The following CACNA1D variants were observed in gnomAD, a reference collection of about 807,000 sequenced individuals.
CACNA1D encodes voltage-dependent L-type calcium channel subunit alpha-1D.
Under a neutral mutation model 257.1 loss-of-function variants are expected in CACNA1D, and 55 were observed. That is an observed-to-expected ratio of 0.21 (90% CI 0.17 to 0.27). The LOEUF is 0.27. Ranked by LOEUF, CACNA1D falls within the 10% of genes least tolerant of loss-of-function variation. The pLI is 1.00. For missense variants in CACNA1D, 1,876 were observed against 2,784.0 expected, an observed-to-expected ratio of 0.67 and a Z score of 7.34; for synonymous variants, 980 against 1,014.9, an observed-to-expected ratio of 0.97 and a Z score of 0.65.
intron 3 of CACNA1D, among the ~76,000 whole-genome samples, chr3:53,522,474 C>T (rs1457180525): frequency 6.6e-6 from 1 of 152,184 alleles, no homozygotes; most frequent in East Asian, 1.9e-4. Context: ...AAGGCTAGTG[C>T]CTTTCCTCAC....
rs115349215 is a variant in CACNA1D at position 53,794,088 on chromosome 3, C to T, written c.4924-6161C>T. Reference sequence around the variant, plus strand: ...GGACTATTGGGTACTACATTCTATACTCTTTCTGAAAGTGGGGAGATCTCA... The same window carrying T: ...GGACTATTGGGTACTACATTCTATATTCTTTCTGAAAGTGGGGAGATCTCA... On this transcript the variant is annotated intron_variant, in intron 40 of 47. Coordinates refer to ENST00000350061, the MANE Select transcript of CACNA1D (RefSeq NM_001128840.3). Among the ~76,000 whole-genome samples the T allele has an allele frequency of 8.5e-3, 1,293 of 152,322 alleles. 8 individuals carry two copies. The highest frequency in any genetic ancestry group is 0.013 in the Non-Finnish European group (889 of 68,028).
chr3:53,551,466 G>A (rs1364586416), intron 3 of CACNA1D, among the ~76,000 whole-genome samples: 1 of 152,184 alleles, frequency 6.6e-6, no homozygotes, highest in Non-Finnish European at 1.5e-5. Context: ...GTTGCTGCCG[G>A]GTATGACCCG....
intron 8 of CACNA1D, among the ~76,000 whole-genome samples, chr3:53,682,318 G>C (rs889688570): frequency 7.2e-6 from 1 of 139,784 alleles, no homozygotes; most frequent in African/African-American, 2.7e-5. Context: ...GCTTGAGGCC[G>C]GGAGTTTGAA....
intron 8 of CACNA1D, among the ~76,000 whole-genome samples, chr3:53,690,644 G>T (rs1389200157): frequency 6.6e-6 from 1 of 152,218 alleles, no homozygotes; most frequent in African/African-American, 2.4e-5. Context: ...CTCACAGGGT[G>T]GTTTCCGTGG....
At chr3:53,671,429 G>A (rs1400761236) in intron 7 of CACNA1D, among the ~76,000 whole-genome samples, 1 of 152,192 alleles carries the variant, frequency 6.6e-6, no homozygotes, top group Non-Finnish European at 1.5e-5. Context: ...GCTGACCCAG[G>A]CCAGGCACAG....
At chr3:53,500,655 T>C (rs2090561138) in intron 2 of CACNA1D, among the ~76,000 whole-genome samples, 1 of 152,198 alleles carries the variant, frequency 6.6e-6, no homozygotes, top group African/African-American at 2.4e-5. Context: ...GAATTGCAGA[T>C]GAGGCTGGTG....
chr3:53,525,200 T>C (rs556610699), intron 3 of CACNA1D, among the ~76,000 whole-genome samples: 38 of 152,350 alleles, frequency 2.5e-4, no homozygotes, highest in African/African-American at 9.1e-4. Context: ...GCTTGGCTCT[T>C]GCTCCCTCTA....
In CACNA1D at chr3:53,718,211, TCTG is replaced by T. The variant is rs2094841011; in HGVS notation, c.1391-88_1391-86del. ...TCACCCTCCTCCTGGGTTCCGGAGG[TCTG>T]CCTGGTGGCAGAGGCTCCCACCTGG... On this transcript the variant is annotated intron_variant, in intron 9 of 47. Transcript: ENST00000350061. The T allele has an allele frequency of 8.1e-6, 9 of 1,104,372 alleles. No individual in the cohort carries two copies. The South Asian group carries it at 1.1e-4, about 14-fold the overall frequency. 68.4% of individuals were successfully genotyped at this position (1,104,372 alleles called of 1,614,324 possible).
At chr3:53,583,094 A>T (rs1192222699) in intron 3 of CACNA1D, among the ~76,000 whole-genome samples, 12 of 152,106 alleles carry the variant, frequency 7.9e-5, no homozygotes, top group Admixed American at 7.9e-4. Context: ...TAGTCTGTGC[A>T]CCCCTGATGG....
rs187835211 is a variant in CACNA1D at position 53,738,107 on chromosome 3, C to T, written c.2752-2173C>T. ...AACCCGACCAGCAGAGGGAGGCTGG[C>T]GAGTGTGCAAGCATCAGGTGTCCCT... is the stretch of plus-strand genomic sequence containing the variant. On this transcript the variant is annotated intron_variant, in intron 20 of 47. Coordinates refer to ENST00000350061, the MANE Select transcript of CACNA1D (RefSeq NM_001128840.3). Among the ~76,000 whole-genome samples the T allele has an allele frequency of 1.2e-3, 185 of 152,282 alleles. 7 individuals are homozygous for T. The East Asian group carries it at 0.022, about 18-fold the overall frequency.
intron 21 of CACNA1D, among the ~76,000 whole-genome samples, chr3:53,742,226 C>G (rs2577330): frequency 8.5e-5 from 13 of 152,356 alleles, no homozygotes; most frequent in African/African-American, 2.9e-4. Flanking sequence ...ACCTCTACCT[C>G]TCTTATACTG....
rs539150872 is a variant in CACNA1D, at chr3:53,511,542, G to C, written c.483+9822G>C. On this transcript the variant is annotated intron_variant, in intron 3 of 47. Coordinates refer to ENST00000350061, the MANE Select transcript of CACNA1D (RefSeq NM_001128840.3). Reference sequence around the variant, plus strand: ...CTTCGCCGTGCTTTTGTCGGGGTCAGAAATGCCGCGCAAGCAGATGGTCCC... The same window carrying C: ...CTTCGCCGTGCTTTTGTCGGGGTCACAAATGCCGCGCAAGCAGATGGTCCC... Among the ~76,000 whole-genome samples the C allele has an allele frequency of 5.9e-5, 9 of 152,294 alleles. No homozygotes were observed. The East Asian group carries it at 9.7e-4, about 16-fold the overall frequency.
intron 31 of CACNA1D, 38 bp downstream of exon 31, chr3:53,770,055 T>G: frequency 6.5e-7 from 1 of 1,531,130 alleles, no homozygotes; most frequent in Non-Finnish European, 9.1e-7. Flanking sequence ...CTGGGCCTTT[T>G]CCTTAAGTTT....
intron 26 of CACNA1D, among the ~76,000 whole-genome samples, chr3:53,748,669 AT>A (rs556148388): frequency 3.0e-4 from 46 of 152,186 alleles, no homozygotes; most frequent in Middle Eastern, 3.4e-3. Context: ...GATGATAGTA[AT>A]GTCTGCCTTC....
intron 3 of CACNA1D, among the ~76,000 whole-genome samples, chr3:53,646,519 C>T (rs984389549): frequency 5.3e-5 from 8 of 152,016 alleles, no homozygotes; most frequent in African/African-American, 1.5e-4. Flanking sequence ...CCTATGAGTG[C>T]CTTACATATG....
chr3:53,520,890 C>CTTTCTTTCT lies in CACNA1D; in HGVS notation c.483+19177_483+19178insCTTTTCTTT, dbSNP rs1366127073. Among the ~76,000 whole-genome samples, 295 of 120,612 alleles carry CTTTCTTTCT rather than the reference C, an allele frequency of 2.4e-3. 2 individuals carry two copies. The highest frequency in any genetic ancestry group is 7.7e-3 in the South Asian group (30 of 3,888). 79.1% of individuals were successfully genotyped at this position (120,612 alleles called of 152,430 possible). A position where few individuals can be genotyped will look rare whatever the true frequency, so the allele number is the denominator to read the frequency against. On this transcript the variant is annotated intron_variant, in intron 3 of 47. Coordinates refer to ENST00000350061, the MANE Select transcript of CACNA1D (RefSeq NM_001128840.3). ...TCTTTCTTTCTTTCTTTCTTTCTTTCTTTCTTTTCTTTTCTTTTCTTTTCT... is the reference window on the plus strand; with the variant it reads ...TCTTTCTTTCTTTCTTTCTTTCTTTCTTTCTTTCTTTTCTTTTCTTTTCTTTTCTTTTCT...
At chr3:53,740,620 A>T (rs2095107936) in intron 21 of CACNA1D, 2 of 405,220 alleles carry the variant, frequency 4.9e-6, no homozygotes, top group South Asian at 2.8e-5. Flanking sequence ...TGTTTTTTAA[A>T]CCGAAGGATT....
chr3:53,810,326 C>T (rs369347491), intron 47 of CACNA1D, 28 bp downstream of exon 47: 14 of 1,601,350 alleles, frequency 8.7e-6, no homozygotes, highest in Admixed American at 3.3e-5. Flanking sequence ...CCGTGGTGGG[C>T]AGGAAGCACC....
At position 53,533,175 on chromosome 3, in the gene CACNA1D, T is replaced by C. The variant is rs115223381; in HGVS notation, c.483+31455T>C. Among the ~76,000 whole-genome samples, 878 of 152,348 alleles carry C rather than the reference T, an allele frequency of 5.8e-3. 8 individuals carry two copies. The highest frequency in any genetic ancestry group is 0.02 in the African/African-American group (841 of 41,578). On this transcript the variant is annotated intron_variant, in intron 3 of 47. Transcript: ENST00000350061. The stretch of plus-strand genomic sequence containing the variant: ...GGCTTCAAAGAAGCTCAGAGCTAAA[T>C]TTATTGCTTGATTATAGTTGCTGGA...
Sources: allele counts gnomAD v4.1 joint callset (sites outside exome capture counted in the v4.1 genomes callset), GRCh38; gene constraint gnomAD v4.1.1; transcripts MANE v1.5; gene names NCBI Gene and HGNC (gene_info 2026-07-23, HGNC 2026-07-21).